Variants in SCHIP1 observed in about 807,000 individuals in gnomAD.
The protein encoded by SCHIP1 is schwannomin interacting protein 1.
In SCHIP1, 8 loss-of-function variants were observed where a neutral mutation model predicts 29.7. The ratio of observed to expected loss-of-function variants is 0.27; its 90% CI spans 0.16 to 0.49. The LOEUF is 0.49. SCHIP1 is among the 20% of genes least tolerant of loss of function. The pLI is 0.99. For missense variants in SCHIP1, 193 were observed against 294.6 expected, an observed-to-expected ratio of 0.66 and a Z score of 2.52; for synonymous variants, 76 against 94.9, an observed-to-expected ratio of 0.80 and a Z score of 1.16.
At chr3:159,853,663 C>T (rs548671763) in intron 1 of SCHIP1, among the ~76,000 whole-genome samples, 5 of 152,206 alleles carry the variant, frequency 3.3e-5, no homozygotes, top group Non-Finnish European at 5.9e-5. Context: ...TATGTTACAG[C>T]AGCAACTAAA....
At chr3:159,359,670 TG>T in the SCHIP1 span, among the ~76,000 whole-genome samples, 358 of 152,102 alleles carry the variant, frequency 2.4e-3, 1 homozygote, top group African/African-American at 7.9e-3. Context: ...AAATGTCAGG[TG>T]GGGTAAAGTG....
the SCHIP1 span, among the ~76,000 whole-genome samples, chr3:159,430,466 G>A: frequency 1.3e-5 from 2 of 152,190 alleles, no homozygotes; most frequent in East Asian, 1.9e-4. Context: ...TTCTGCTCTG[G>A]TTCTATGCTC....
At chr3:159,494,121 A>G in the SCHIP1 span, among the ~76,000 whole-genome samples, 1 of 152,222 alleles carries the variant, frequency 6.6e-6, no homozygotes, top group Non-Finnish European at 1.5e-5. Context: ...AGGGAAATTT[A>G]TAGCACTAAA....
At chr3:159,696,048 G>T in the SCHIP1 span, among the ~76,000 whole-genome samples, 769 of 152,112 alleles carry the variant, frequency 5.1e-3, 10 homozygotes, top group Admixed American at 0.024. Context: ...TGCCGCCACT[G>T]GTACCCATCA....
the SCHIP1 span, among the ~76,000 whole-genome samples, chr3:159,305,212 C>T: frequency 6.6e-6 from 1 of 152,198 alleles, no homozygotes; most frequent in East Asian, 1.9e-4. Context: ...GGTCCAGTAG[C>T]AGGGGATACC....
chr3:159,650,783 A>G, the SCHIP1 span, among the ~76,000 whole-genome samples: 2 of 152,200 alleles, frequency 1.3e-5, no homozygotes, highest in South Asian at 4.1e-4. Context: ...AGTATCTTCA[A>G]TCTATCTTTA....
chr3:159,783,653 A>G, the SCHIP1 span, among the ~76,000 whole-genome samples: 1 of 152,150 alleles, frequency 6.6e-6, no homozygotes, highest in Non-Finnish European at 1.5e-5. Flanking sequence ...GGAGTGGAGA[A>G]TGGAGCCTTT....
the SCHIP1 span, among the ~76,000 whole-genome samples, chr3:159,655,836 C>T: frequency 6.6e-6 from 1 of 152,158 alleles, no homozygotes; most frequent in African/African-American, 2.4e-5. Flanking sequence ...TTGCAGTGAG[C>T]TGGGATTGTG....
At chr3:159,478,967 T>C in the SCHIP1 span, among the ~76,000 whole-genome samples, 14 of 152,254 alleles carry the variant, frequency 9.2e-5, no homozygotes, top group Middle Eastern at 3.4e-3. Context: ...GTGGAGTCTT[T>C]AGGGTTTTCT....
chr3:159,370,392 T>G, the SCHIP1 span, among the ~76,000 whole-genome samples: 1 of 152,222 alleles, frequency 6.6e-6, no homozygotes, highest in South Asian at 2.1e-4. Flanking sequence ...GGCAGCCCTA[T>G]CCCAACATTT....
chr3:159,612,682 G>T, the SCHIP1 span, among the ~76,000 whole-genome samples: 1 of 152,166 alleles, frequency 6.6e-6, no homozygotes, highest in African/African-American at 2.4e-5. Flanking sequence ...GGGAGGCGGA[G>T]GTTGCAGTGA....
At chr3:159,579,346 G>A in the SCHIP1 span, among the ~76,000 whole-genome samples, 1 of 152,174 alleles carries the variant, frequency 6.6e-6, no homozygotes, top group South Asian at 2.1e-4. Context: ...AAAGGATAAA[G>A]TCTGGGCAGA....
At chr3:159,406,105 T>C in the SCHIP1 span, among the ~76,000 whole-genome samples, 3 of 151,626 alleles carry the variant, frequency 2.0e-5, no homozygotes, top group Non-Finnish European at 4.4e-5. Context: ...AAGATATCAA[T>C]ATTCAAGCAG....
chr3:159,565,413 T>C, the SCHIP1 span, among the ~76,000 whole-genome samples: 3 of 152,224 alleles, frequency 2.0e-5, no homozygotes, highest in African/African-American at 7.2e-5. Flanking sequence ...ATGTTTGTTA[T>C]GATATGAACA....
the SCHIP1 span, among the ~76,000 whole-genome samples, chr3:159,535,718 A>G: frequency 1.3e-5 from 2 of 152,248 alleles, no homozygotes; most frequent in South Asian, 4.1e-4. Context: ...GTTAATTACA[A>G]TGTTTAGAAG....
the SCHIP1 span, among the ~76,000 whole-genome samples, chr3:159,759,312 T>C: frequency 2.6e-5 from 4 of 152,334 alleles, no homozygotes; most frequent in Non-Finnish European, 4.4e-5. Context: ...AGAGCTACCA[T>C]GCATCCAAGA....
At chr3:159,619,424 G>T in the SCHIP1 span, among the ~76,000 whole-genome samples, 2 of 152,120 alleles carry the variant, frequency 1.3e-5, no homozygotes, top group Non-Finnish European at 2.9e-5. Flanking sequence ...GTTCCCCCTT[G>T]CTTATGAAAA....
chr3:159,426,160 A>C, the SCHIP1 span, among the ~76,000 whole-genome samples: 1 of 152,122 alleles, frequency 6.6e-6, no homozygotes, highest in Admixed American at 6.5e-5. Context: ...AACACATTCA[A>C]AAGCTAGCAG....
chr3:159,629,142 A>C, the SCHIP1 span, among the ~76,000 whole-genome samples: 6,342 of 150,506 alleles, frequency 0.042, 168 homozygotes, highest in Middle Eastern at 0.1. Context: ...GTTAAACAAA[A>C]ACACACACAC....
Sources: allele counts gnomAD v4.1 joint callset (sites outside exome capture counted in the v4.1 genomes callset), GRCh38; gene constraint gnomAD v4.1.1; transcripts MANE v1.5; gene names NCBI Gene and HGNC (gene_info 2026-07-23, HGNC 2026-07-21).